Variants in SEM1 observed in about 807,000 individuals in gnomAD.
SEM1 encodes 26S proteasome complex subunit SEM1.
SEM1 carries 3 observed loss-of-function variants against 12.7 expected under a neutral mutation model. That is an observed-to-expected ratio of 0.24 (90% CI 0.11 to 0.61). SEM1 has a LOEUF of 0.61. SEM1 is among the 20% of genes least tolerant of loss of function. The pLI is 0.88. For missense variants in SEM1, 59 were observed against 81.3 expected (o/e 0.73, Z 1.06); for synonymous variants, 30 against 27.8 (o/e 1.08, Z -0.25).
chr7:96,580,086 A>G (rs1384994108), intron 2 of SEM1, among the ~76,000 whole-genome samples: 5 of 148,340 alleles, frequency 3.4e-5, no homozygotes, highest in Non-Finnish European at 6.0e-5. Flanking sequence ...GTCATCTAGC[A>G]TTAGGTATAT....
chr7:96,517,795 G>A (rs181481981), intron 2 of SEM1, among the ~76,000 whole-genome samples: 27 of 152,114 alleles, frequency 1.8e-4, no homozygotes, highest in Admixed American at 1.6e-3. Flanking sequence ...TTTAGTTAAC[G>A]TTTATTATGT....
At chr7:96,689,343 C>T (rs1789857820) in intron 2 of SEM1, among the ~76,000 whole-genome samples, 1 of 152,118 alleles carries the variant, frequency 6.6e-6, no homozygotes, top group South Asian at 2.1e-4. Context: ...AGGCAAAGTA[C>T]ACATCACTAT....
At chr7:96,512,917 A>T (rs775385040) in intron 2 of SEM1, among the ~76,000 whole-genome samples, 7 of 152,156 alleles carry the variant, frequency 4.6e-5, no homozygotes, top group Non-Finnish European at 1.0e-4. Context: ...TGAAGAGCAT[A>T]AACCACGTTT....
rs146776110 is a variant in SEM1 at position 96,592,599 on chromosome 7, A to C, written c.171-85901T>G. ...TGTCACGTGCTGTCTTCCGTTGGAGAACGGAACACAGAAAACCATTAGCAC... is the reference window on the plus strand; with the variant it reads ...TGTCACGTGCTGTCTTCCGTTGGAGCACGGAACACAGAAAACCATTAGCAC... On this transcript the variant is annotated intron_variant and NMD_transcript_variant, in intron 2 of 3. Coordinates refer to the SEM1 transcript ENST00000466986. Among the ~76,000 whole-genome samples the C allele has an allele frequency of 2.1e-3, 314 of 151,476 alleles. 1 individual carries two copies. The highest frequency in any genetic ancestry group is 7.5e-3 in the African/African-American group (308 of 41,214).
chr7:96,581,266 A>G (rs1398773533), intron 2 of SEM1, among the ~76,000 whole-genome samples: 1 of 152,170 alleles, frequency 6.6e-6, no homozygotes, highest in African/African-American at 2.4e-5. Context: ...GGTTTGTCAA[A>G]GATCAGATAG....
chr7:96,580,401 G>C (rs1033902347), intron 2 of SEM1, among the ~76,000 whole-genome samples: 9 of 150,798 alleles, frequency 6.0e-5, no homozygotes, highest in Non-Finnish European at 1.3e-4. Flanking sequence ...CCAAGTCTTT[G>C]CTATGGTGAA....
chr7:96,579,754 C>T (rs908611438), intron 2 of SEM1, among the ~76,000 whole-genome samples: 1 of 152,094 alleles, frequency 6.6e-6, no homozygotes, highest in Non-Finnish European at 1.5e-5. Flanking sequence ...TGAAACTACA[C>T]ATGTGATTAA....
chr7:96,643,183 A>G (rs1808670065), intron 2 of SEM1, among the ~76,000 whole-genome samples: 1 of 152,062 alleles, frequency 6.6e-6, no homozygotes, highest in Non-Finnish European at 1.5e-5. Context: ...ACTCCAGGTT[A>G]TAAGTGAGAA....
intron 2 of SEM1, among the ~76,000 whole-genome samples, chr7:96,646,463 G>A (rs1181971993): frequency 6.6e-6 from 1 of 151,970 alleles, no homozygotes; most frequent in Non-Finnish European, 1.5e-5. Flanking sequence ...TTACTGTTTG[G>A]GTCACATATT....
intron 2 of SEM1, among the ~76,000 whole-genome samples, chr7:96,485,824 G>A (rs915431799): frequency 6.6e-6 from 1 of 152,040 alleles, no homozygotes; most frequent in Admixed American, 6.6e-5. Flanking sequence ...ACAGGCATGA[G>A]CCACTACGCC....
At chr7:96,698,094 C>T (rs376291986) in intron 1 of SEM1, among the ~76,000 whole-genome samples, 2 of 152,084 alleles carry the variant, frequency 1.3e-5, no homozygotes, top group Admixed American at 6.6e-5. Flanking sequence ...TCAGTTGTGG[C>T]AGAGTCTGAA....
chr7:96,651,052 C>T (rs1808963338), intron 2 of SEM1, among the ~76,000 whole-genome samples: 14 of 152,102 alleles, frequency 9.2e-5, no homozygotes, highest in Admixed American at 9.2e-4. Context: ...TCTAAGACAC[C>T]ACAGACTCCA....
intron 2 of SEM1, among the ~76,000 whole-genome samples, chr7:96,587,473 T>C (rs1273148024): frequency 6.6e-6 from 1 of 152,168 alleles, no homozygotes; most frequent in African/African-American, 2.4e-5. Context: ...CATTTCTTGC[T>C]CTCTTTCTCC....
At chr7:96,584,414 T>G (rs928857779) in intron 2 of SEM1, among the ~76,000 whole-genome samples, 1 of 152,104 alleles carries the variant, frequency 6.6e-6, no homozygotes, top group Non-Finnish European at 1.5e-5. Flanking sequence ...TTTCCTTCAT[T>G]TCAACTTTGG....
rs73390937 is a variant in SEM1 at position 96,533,192 on chromosome 7, T to A, written c.171-26494A>T. Among the ~76,000 whole-genome samples the A allele has an allele frequency of 4.7e-3, 714 of 152,136 alleles. 2 individuals carry two copies. The highest frequency in any genetic ancestry group is 0.017 in the African/African-American group (688 of 41,526). On this transcript the variant is annotated intron_variant and NMD_transcript_variant, in intron 2 of 3. Transcript: ENST00000466986. ...GTCAGCTCAGATGTGCTCTCCTCCT[T>A]TTTCATCAAAATGAAACTGTCCCCA...
At chr7:96,598,574 T>C (rs945887314) in intron 2 of SEM1, among the ~76,000 whole-genome samples, 1 of 152,182 alleles carries the variant, frequency 6.6e-6, no homozygotes, top group African/African-American at 2.4e-5. Flanking sequence ...TCTTTCTAAG[T>C]TGTTATCCAT....
intron 2 of SEM1, among the ~76,000 whole-genome samples, chr7:96,662,585 T>C (rs1432129978): frequency 6.6e-6 from 1 of 152,198 alleles, no homozygotes; most frequent in Non-Finnish European, 1.5e-5. Flanking sequence ...TCTTAAAACC[T>C]AGATGACGGG....
chr7:96,709,783 C>A lies in SEM1; in HGVS notation c.-20G>T, dbSNP rs779725976. 1.2e-6 allele frequency: 2 copies of A among 1,613,042 alleles called. No individual in the cohort carries two copies. Among genetic ancestry groups the A allele is most frequent in the African/African-American group, 1.3e-5 (1 of 74,838 alleles). ...TGACATCTCGACTGTCCGCGCCCAA[C>A]ACCTCCCAGATAAGCAGAAAAGTTG... On this transcript the variant is annotated 5_prime_UTR_variant, in exon 1 of 3. Coordinates refer to ENST00000248566, the MANE Select transcript of SEM1 (RefSeq NM_006304.2).
chr7:96,565,730 A>C (rs930354344), intron 2 of SEM1, among the ~76,000 whole-genome samples: 7 of 151,878 alleles, frequency 4.6e-5, no homozygotes, highest in Non-Finnish European at 8.8e-5. Context: ...ACTTTTTAAA[A>C]CCCTAGCTCT....
Sources: gnomAD v4.1 joint callset for allele counts (sites outside exome capture counted in the v4.1 genomes callset) on GRCh38, gnomAD v4.1.1 for gene constraint, MANE v1.5 for transcripts, NCBI Gene and HGNC (gene_info 2026-07-23, HGNC 2026-07-21) for gene names.